PAPPA2: variants seen among roughly 807,000 people sequenced by gnomAD.
PAPPA2 encodes pappalysin-2.
A neutral mutation model predicts 176.4 loss-of-function variants in PAPPA2; 86 were observed. The ratio of observed to expected loss-of-function variants is 0.49; its 90% confidence interval spans 0.41 to 0.58. PAPPA2 has a LOEUF of 0.58. Among genes scored for constraint, PAPPA2 ranks in the 20% least tolerant of loss-of-function variants. The pLI, the probability that PAPPA2 is intolerant of heterozygous loss-of-function variation, is 0.00. For synonymous variants in PAPPA2, 809 were observed against 852.2 expected (o/e 0.95, Z 0.88); for missense variants, 2,073 against 2,256.9 (o/e 0.92, Z 1.65).
intron 9 of PAPPA2, among the ~76,000 whole-genome samples, chr1:176,704,982 A>G (rs1488121031): frequency 6.6e-6 from 1 of 152,246 alleles, no homozygotes. Context: ...ATGGCACAAG[A>G]TGATACATAG....
At chr1:176,517,754 G>T (rs1020020378) in intron 1 of PAPPA2, among the ~76,000 whole-genome samples, 3 of 152,166 alleles carry the variant, frequency 2.0e-5, no homozygotes, top group African/African-American at 7.2e-5. Context: ...AGGCAGTCAG[G>T]CGCCTTTCAT....
rs1660547111 is a variant in PAPPA2, at chr1:176,699,523, G to A, written c.3170G>A (p.Arg1057His). ...GCRPVRYQVL[R>H]DPPFASGLPV... ...AGGCCTGTGAGGTACCAGGTTCTCCGCGATCCCCCATTTGCCAGTGGTTTG... is the reference window on the plus strand; with the variant it reads ...AGGCCTGTGAGGTACCAGGTTCTCCACGATCCCCCATTTGCCAGTGGTTTG... The change falls in exon 8 of 23, where the codon CGC (arginine) becomes CAC (histidine). Residue 1057 changes from arginine to histidine, a missense_variant. Arg to His is a conservative substitution (Grantham distance 29). Around this residue, in one of 4 missense-constraint regions of PAPPA2, gnomAD observed 846 missense variants for 857.9 expected, o/e 0.99. Coordinates refer to ENST00000367662, the MANE Select transcript of PAPPA2 (RefSeq NM_020318.3). The A allele has an allele frequency of 6.2e-6, 10 of 1,613,572 alleles. No individual in the cohort carries two copies. Among genetic ancestry groups the A allele is most frequent in the Non-Finnish European group, 7.6e-6 (9 of 1,179,598 alleles).
At chr1:176,534,566 A>T (rs1194292496) in intron 1 of PAPPA2, among the ~76,000 whole-genome samples, 1 of 152,246 alleles carries the variant, frequency 6.6e-6, no homozygotes, top group Non-Finnish European at 1.5e-5. Context: ...CAGATAGAAT[A>T]GGCTCACAAC....
At chr1:176,479,299 CTTG>C (rs1480063606) in intron 1 of PAPPA2, among the ~76,000 whole-genome samples, 2 of 152,054 alleles carry the variant, frequency 1.3e-5, no homozygotes, top group Admixed American at 6.5e-5. Context: ...TGGTTTTTGG[CTTG>C]TTGTTCTTCT....
In PAPPA2 at chr1:176,559,294, C is replaced by G. The variant is rs565376361; in HGVS notation, c.919+2053C>G. 2.6e-5 allele frequency among the ~76,000 whole-genome samples: 4 copies of G among 152,344 alleles called. No individual in the cohort carries two copies. In the South Asian group the frequency reaches 8.3e-4, roughly 32 times the overall value. On this transcript the variant is annotated intron_variant, in intron 2 of 22. Coordinates refer to ENST00000367662, the MANE Select transcript of PAPPA2 (RefSeq NM_020318.3). ...CCCTTGTGGTGTACCAGTATTTCCC[C>G]TCTTAGGTCTACACCAGAAAGGTTG...
chr1:176,474,982 C>G (rs1652045431), intron 1 of PAPPA2, among the ~76,000 whole-genome samples: 1 of 152,136 alleles, frequency 6.6e-6, no homozygotes, highest in Admixed American at 6.5e-5. Context: ...AAAATTAAAA[C>G]TAAATACAAA....
At chr1:176,476,488 TG>T (rs1558391404) in intron 1 of PAPPA2, among the ~76,000 whole-genome samples, 1 of 152,228 alleles carries the variant, frequency 6.6e-6, no homozygotes, top group African/African-American at 2.4e-5. Context: ...CTTGTTTTAT[TG>T]TAATGGGACA....
At chr1:176,624,449 G>A (rs926365829) in intron 3 of PAPPA2, among the ~76,000 whole-genome samples, 3 of 152,174 alleles carry the variant, frequency 2.0e-5, no homozygotes, top group African/African-American at 7.2e-5. Flanking sequence ...TAGCATCATT[G>A]TTTTAGTGAT....
intron 15 of PAPPA2, among the ~76,000 whole-genome samples, chr1:176,767,758 G>A (rs563401111): frequency 6.6e-6 from 1 of 152,282 alleles, no homozygotes; most frequent in Admixed American, 6.5e-5. Context: ...CTCACGCTTT[G>A]CCAACCACAT....
At chr1:176,520,804 AG>A (rs2102537282) in intron 1 of PAPPA2, among the ~76,000 whole-genome samples, 1 of 152,234 alleles carries the variant, frequency 6.6e-6, no homozygotes, top group South Asian at 2.1e-4. Context: ...CTAAGGCTTA[AG>A]GACCTGCCAA....
At chr1:176,507,901 TA>T (rs1648375230) in intron 1 of PAPPA2, among the ~76,000 whole-genome samples, 1 of 151,638 alleles carries the variant, frequency 6.6e-6, no homozygotes, top group South Asian at 2.1e-4. Context: ...ATATCTAAAG[TA>T]AAAGTTGAAA....
At chr1:176,700,363 A>T (rs878970106) in intron 8 of PAPPA2, among the ~76,000 whole-genome samples, 1 of 152,254 alleles carries the variant, frequency 6.6e-6, no homozygotes, top group African/African-American at 2.4e-5. Flanking sequence ...ACAAAGTTTT[A>T]TCAGAGATAC....
intron 3 of PAPPA2, among the ~76,000 whole-genome samples, chr1:176,629,697 C>T (rs972590752): frequency 6.6e-6 from 1 of 152,068 alleles, no homozygotes; most frequent in African/African-American, 2.4e-5. Context: ...TATTCACCCT[C>T]ATTATTCATG....
chr1:176,543,438 A>G (rs1276705309), intron 1 of PAPPA2, among the ~76,000 whole-genome samples: 2 of 151,914 alleles, frequency 1.3e-5, no homozygotes, highest in African/African-American at 4.8e-5. Flanking sequence ...ATTGAGCCCC[A>G]CATTCCAGCT....
At chr1:176,841,218 T>G (rs1346238110) in intron 22 of PAPPA2, among the ~76,000 whole-genome samples, 1 of 152,144 alleles carries the variant, frequency 6.6e-6, no homozygotes, top group East Asian at 1.9e-4. Context: ...GCCAGCTATC[T>G]CTGTGTAGGA....
chr1:176,595,460 A>G lies in PAPPA2; in HGVS notation c.1856A>G (p.Tyr619Cys). ...GACTGCCGCCTGCAGGGCCGCTGCT[A>G]CTCCTGGAACCGCAGGGATGGGCTC... ...GGDCRLQGRCYSWNRRDGLCH... is the reference protein window; with the variant it reads ...GGDCRLQGRCCSWNRRDGLCH... The change falls in exon 3 of 23, where the codon TAC (tyrosine) becomes TGC (cysteine). Residue 619 changes from tyrosine (Y) to cysteine (C), a missense_variant. Coordinates refer to ENST00000367662, the MANE Select transcript of PAPPA2 (RefSeq NM_020318.3). The G allele has an allele frequency of 6.2e-7, 1 of 1,614,008 alleles. No individual in the cohort carries two copies. Among genetic ancestry groups the G allele is most frequent in the Non-Finnish European group, 8.5e-7 (1 of 1,180,012 alleles).
intron 22 of PAPPA2, among the ~76,000 whole-genome samples, chr1:176,841,835 G>C (rs985155050): frequency 6.6e-6 from 1 of 152,110 alleles, no homozygotes; most frequent in Non-Finnish European, 1.5e-5. Context: ...TGTTCCTATT[G>C]TTCCAAGAGC....
In PAPPA2 at chr1:176,556,571, C is replaced by T. The variant is rs1419744359; in HGVS notation, c.249C>T (p.Pro83=). Residue 83 remains proline, a synonymous_variant, in exon 2 of 23, where the codon CCC becomes CCT. Coordinates refer to ENST00000367662, the MANE Select transcript of PAPPA2 (RefSeq NM_020318.3). The part of the protein sequence containing the change: ...SRAGNYLRPY[P]VGEQEIHHTG... The stretch of plus-strand genomic sequence containing the variant: ...CTGGGAACTACCTAAGGCCCTACCC[C>T]GTGGGGGAGCAAGAAATCCATCATA... 21 of 1,614,076 alleles carry T rather than the reference C, an allele frequency of 1.3e-5. No homozygotes were observed. The highest frequency in any genetic ancestry group is 1.6e-5 in the Non-Finnish European group (19 of 1,180,038).
intron 1 of PAPPA2, among the ~76,000 whole-genome samples, chr1:176,518,243 C>G (rs1301636212): frequency 6.6e-6 from 1 of 152,144 alleles, no homozygotes; most frequent in Non-Finnish European, 1.5e-5. Context: ...TTGCCACCCT[C>G]CTAACTTTAA....
Sources: gnomAD v4.1 joint callset for allele counts (sites outside exome capture counted in the v4.1 genomes callset) on GRCh38, gnomAD v4.1.1 for gene constraint, gnomAD v4.1.1 regional missense constraint, MANE v1.5 for transcripts, NCBI Gene and HGNC (gene_info 2026-07-23, HGNC 2026-07-21) for gene names.